The following PLA2G4A variants were observed in gnomAD, a reference collection of about 807,000 sequenced individuals.
The protein encoded by PLA2G4A is phospholipase A2 group IVA.
In PLA2G4A, 40 loss-of-function variants were observed where a neutral mutation model predicts 81.9. The ratio of observed to expected loss-of-function variants is 0.49; its 90% CI spans 0.38 to 0.64. The LOEUF is 0.64. Among genes scored for constraint, PLA2G4A ranks in the 30% least tolerant of loss-of-function variants. The probability of loss-of-function intolerance (pLI) is 0.00; values close to 1 mark genes in which losing one functional copy is unlikely to be tolerated. For missense variants in PLA2G4A, 715 were observed against 905.1 expected, an observed-to-expected ratio of 0.79 and a Z score of 2.69; for synonymous variants, 302 against 296.9, an observed-to-expected ratio of 1.02 and a Z score of -0.18.
chr1:186,837,615 T>C (rs1197098160), intron 1 of PLA2G4A, among the ~76,000 whole-genome samples: 2 of 148,836 alleles, frequency 1.3e-5, no homozygotes, highest in East Asian at 3.9e-4. Context: ...CGGGCGCCTG[T>C]AGTCCCAGCT....
intron 1 of PLA2G4A, among the ~76,000 whole-genome samples, chr1:186,829,940 A>G (rs1033251180): frequency 2.6e-5 from 4 of 152,196 alleles, no homozygotes; most frequent in Non-Finnish European, 4.4e-5. Flanking sequence ...TGTCAATTCT[A>G]AAGTTATATT....
At chr1:186,967,302 T>C (rs1051629703) in intron 15 of PLA2G4A, among the ~76,000 whole-genome samples, 4 of 148,968 alleles carry the variant, frequency 2.7e-5, no homozygotes, top group Non-Finnish European at 6.0e-5. Context: ...TGAGATAAAA[T>C]CTTATCAACA....
intron 5 of PLA2G4A, among the ~76,000 whole-genome samples, chr1:186,904,129 G>A (rs941409766): frequency 2.0e-5 from 3 of 152,094 alleles, no homozygotes; most frequent in African/African-American, 7.2e-5. Context: ...TCCTTTAACT[G>A]AAAATCTCCA....
intron 1 of PLA2G4A, among the ~76,000 whole-genome samples, chr1:186,853,536 A>G (rs984668929): frequency 9.9e-5 from 15 of 151,940 alleles, no homozygotes; most frequent in Non-Finnish European, 1.6e-4. Flanking sequence ...ATAGATAATA[A>G]AGATATTTGA....
At chr1:186,833,271 C>A (rs566994600) in intron 1 of PLA2G4A, among the ~76,000 whole-genome samples, 1 of 152,108 alleles carries the variant, frequency 6.6e-6, no homozygotes, top group African/African-American at 2.4e-5. Flanking sequence ...TGGCATGCAC[C>A]TGTAATCCAG....
At position 186,965,600 on chromosome 1, in the gene PLA2G4A, A is replaced by T; in HGVS notation, c.1764+7A>T. On this transcript the variant is annotated splice_region_variant and intron_variant, in intron 15 of 17. Transcript: ENST00000367466. The stretch of plus-strand genomic sequence containing the variant: ...CTCTAGTCCTCCGTTCAAGGTAAGG[A>T]TACATAATACAGCATTCCATTCTCT... 2 of 1,591,064 alleles carry T rather than the reference A, an allele frequency of 1.3e-6. No individual in the cohort carries two copies. Among genetic ancestry groups the T allele is most frequent in the Non-Finnish European group, 1.7e-6 (2 of 1,159,018 alleles).
intron 17 of PLA2G4A, among the ~76,000 whole-genome samples, chr1:186,980,695 G>A (rs942230507): frequency 1.8e-4 from 28 of 152,024 alleles, no homozygotes; most frequent in African/African-American, 6.0e-4. Context: ...TGCTTGTTTC[G>A]TTTGGCCTGA....
chr1:186,930,071 TGA>T (rs374306138), intron 7 of PLA2G4A, among the ~76,000 whole-genome samples: 8 of 151,326 alleles, frequency 5.3e-5, no homozygotes, highest in African/African-American at 1.9e-4. Context: ...CCAGCTTGGG[TGA>T]GAGAGAGAGA....
At chr1:186,861,672 T>G (rs1218959811) in intron 2 of PLA2G4A, among the ~76,000 whole-genome samples, 1 of 152,114 alleles carries the variant, frequency 6.6e-6, no homozygotes, top group Non-Finnish European at 1.5e-5. Context: ...GTTCCACAGA[T>G]GCTAAAGTCA....
chr1:186,921,943 GAC>G (rs943142655), intron 7 of PLA2G4A, among the ~76,000 whole-genome samples: 4 of 152,102 alleles, frequency 2.6e-5, no homozygotes, highest in African/African-American at 9.7e-5. Context: ...CCATACCTTT[GAC>G]ACAGGGACCT....
chr1:186,841,254 C>T (rs757292485), intron 1 of PLA2G4A, among the ~76,000 whole-genome samples: 4 of 152,102 alleles, frequency 2.6e-5, no homozygotes, highest in Non-Finnish European at 5.9e-5. Context: ...TCTTTTTGAG[C>T]TTTATTGGAC....
intron 14 of PLA2G4A, among the ~76,000 whole-genome samples, chr1:186,960,045 C>T (rs1239656137): frequency 1.3e-5 from 2 of 152,190 alleles, no homozygotes; most frequent in East Asian, 1.9e-4. Flanking sequence ...TAAAAGTGCG[C>T]TATTTTTGTG....
chr1:186,923,364 AT>A (rs886395523), intron 7 of PLA2G4A, among the ~76,000 whole-genome samples: 1 of 152,174 alleles, frequency 6.6e-6, no homozygotes, highest in African/African-American at 2.4e-5. Flanking sequence ...ATTCTACAAC[AT>A]TTTTCTTTTT....
intron 7 of PLA2G4A, among the ~76,000 whole-genome samples, chr1:186,931,719 A>T (rs1655752347): frequency 6.6e-6 from 1 of 152,016 alleles, no homozygotes; most frequent in Non-Finnish European, 1.5e-5. Context: ...ATATGTATAC[A>T]TCATATTGGT....
At chr1:186,841,889 GTGCTTCGTTTA>G (rs1651994022) in intron 1 of PLA2G4A, among the ~76,000 whole-genome samples, 1 of 152,134 alleles carries the variant, frequency 6.6e-6, no homozygotes, top group African/African-American at 2.4e-5. Context: ...CGTTATCCTT[GTGCTTCGTTTA>G]TGTAGAATGT....
intron 15 of PLA2G4A, among the ~76,000 whole-genome samples, chr1:186,976,447 C>T (rs940204309): frequency 6.6e-6 from 1 of 152,106 alleles, no homozygotes; most frequent in African/African-American, 2.4e-5. Context: ...TTGCATAGCA[C>T]TTAATATGTA....
At chr1:186,950,761 C>T (rs1557888570) in intron 13 of PLA2G4A, 33 bp downstream of exon 13, 1 of 1,192,552 alleles carries the variant, frequency 8.4e-7, no homozygotes, top group Non-Finnish European at 1.3e-6. Flanking sequence ...TGGCCCAGAT[C>T]CATGAGGAAA....
At chr1:186,910,302 A>G (rs979454701) in intron 6 of PLA2G4A, among the ~76,000 whole-genome samples, 1 of 152,168 alleles carries the variant, frequency 6.6e-6, no homozygotes, top group African/African-American at 2.4e-5. Context: ...TGAATGGTAA[A>G]GAGACAAATA....
Position 186,855,304 on chromosome 1 carries a change from A to C in PLA2G4A, c.33+917A>C, listed in dbSNP as rs938683121. On this transcript the variant is annotated intron_variant, in intron 2 of 17. Coordinates refer to ENST00000367466, the MANE Select transcript of PLA2G4A (RefSeq NM_024420.3). ...TCTGCTGCTCATTACTGTTTTCTTGAAACTCTTCTCAGATTTTTCTGGTTT... is the reference window on the plus strand; with the variant it reads ...TCTGCTGCTCATTACTGTTTTCTTGCAACTCTTCTCAGATTTTTCTGGTTT... 3.3e-5 allele frequency among the ~76,000 whole-genome samples: 5 copies of C among 151,798 alleles called. No homozygotes were observed. The East Asian group carries it at 9.7e-4, about 29-fold the overall frequency.
Sources: gnomAD v4.1 joint callset for allele counts (sites outside exome capture counted in the v4.1 genomes callset) on GRCh38, gnomAD v4.1.1 for gene constraint, MANE v1.5 for transcripts, NCBI Gene and HGNC (gene_info 2026-07-23, HGNC 2026-07-21) for gene names.